Variants in CDH13 observed in about 807,000 individuals in gnomAD.
CDH13 encodes the protein cadherin-13.
A neutral mutation model predicts 63.8 loss-of-function variants in CDH13; 24 were observed. The ratio of observed to expected loss-of-function variants is 0.38; its 90% confidence interval spans 0.27 to 0.53. The LOEUF is 0.53. Among genes scored for constraint, CDH13 ranks in the 20% least tolerant of loss-of-function variants. The pLI is 0.85. For missense variants in CDH13, 1,049 were observed against 903.1 expected (o/e 1.16, Z -2.07); for synonymous variants, 503 against 355.3 (o/e 1.42, Z -4.67).
At chr16:83,119,413 C>T (rs567378781) in intron 3 of CDH13, among the ~76,000 whole-genome samples, 25 of 152,280 alleles carry the variant, frequency 1.6e-4, no homozygotes, top group African/African-American at 5.8e-4. Context: ...CAGCAGGCTC[C>T]TCAACGTCAA....
intron 3 of CDH13, among the ~76,000 whole-genome samples, chr16:83,081,062 G>A (rs764741858): frequency 2.6e-5 from 4 of 151,488 alleles, no homozygotes; most frequent in Non-Finnish European, 5.9e-5. Context: ...TTTATTTTTA[G>A]TACAGACGGG....
intron 6 of CDH13, among the ~76,000 whole-genome samples, chr16:83,347,576 C>A (rs2090866624): frequency 6.6e-6 from 1 of 152,146 alleles, no homozygotes. Context: ...ATATGTACAA[C>A]ATCATTTCAT....
chr16:83,576,581 G>T (rs1366701733), intron 7 of CDH13, among the ~76,000 whole-genome samples: 6 of 152,120 alleles, frequency 3.9e-5, no homozygotes, highest in Admixed American at 1.3e-4. Flanking sequence ...ACCATATGTG[G>T]TATTACACAT....
At chr16:82,896,125 A>G (rs1431568784) in intron 2 of CDH13, among the ~76,000 whole-genome samples, 2 of 152,010 alleles carry the variant, frequency 1.3e-5, no homozygotes, top group African/African-American at 4.8e-5. Context: ...ATTCATTCGT[A>G]TCTTACCTGT....
rs894053672 is a variant in CDH13, at chr16:82,859,799, G to A, written c.157+1326G>A. The A allele has an allele frequency of 7.3e-5, 11 of 151,516 alleles. No individual in the cohort carries two copies. The South Asian group carries it at 8.4e-4, about 12-fold the overall frequency. The allele number at this position is 151,516 out of a possible 1,614,324, so 9.4% of individuals were successfully genotyped here. ...GAGGCTGGGACACACTCTAAGAGTC[G>A]AAAGGAACACAATAATGAAGATGCA... On this transcript the variant is annotated intron_variant, in intron 2 of 13. Coordinates refer to ENST00000567109, the MANE Select transcript of CDH13 (RefSeq NM_001257.5).
At chr16:83,371,819 G>A (rs1341740324) in intron 6 of CDH13, among the ~76,000 whole-genome samples, 1 of 152,146 alleles carries the variant, frequency 6.6e-6, no homozygotes, top group Admixed American at 6.5e-5. Flanking sequence ...TTTTCTGGAT[G>A]ACCCTAAGAA....
intron 4 of CDH13, among the ~76,000 whole-genome samples, chr16:83,184,145 G>GAAA (rs2038438903): frequency 1.9e-5 from 2 of 103,712 alleles, no homozygotes; most frequent in African/African-American, 1.1e-4. Context: ...CACACAACTA[G>GAAA]TAAAAAAAAA....
chr16:83,510,257 T>G (rs1360629571), intron 7 of CDH13, among the ~76,000 whole-genome samples: 3 of 152,166 alleles, frequency 2.0e-5, no homozygotes, highest in African/African-American at 7.2e-5. Context: ...TGTGTGTAAT[T>G]TTTTTGCTCT....
chr16:82,806,617 A>T (rs1209862947), intron 1 of CDH13, among the ~76,000 whole-genome samples: 1 of 152,222 alleles, frequency 6.6e-6, no homozygotes, highest in Non-Finnish European at 1.5e-5. Context: ...AAACTTTCAG[A>T]CTGCCTGATG....
At chr16:82,709,579 G>A (rs1160940666) in intron 1 of CDH13, among the ~76,000 whole-genome samples, 1 of 152,138 alleles carries the variant, frequency 6.6e-6, no homozygotes, top group Non-Finnish European at 1.5e-5. Context: ...GGTACCTTGC[G>A]AGGCTGTGGA....
intron 7 of CDH13, among the ~76,000 whole-genome samples, chr16:83,529,941 G>A (rs956075397): frequency 2.0e-5 from 3 of 152,132 alleles, no homozygotes; most frequent in African/African-American, 7.2e-5. Context: ...TACAGTCCTA[G>A]TTAAGTAGGA....
At chr16:83,793,322 C>T (rs960078408) in intron 13 of CDH13, among the ~76,000 whole-genome samples, 1 of 152,138 alleles carries the variant, frequency 6.6e-6, no homozygotes, top group Non-Finnish European at 1.5e-5. Flanking sequence ...CATTTTGAAA[C>T]CGGATCTGAG....
chr16:83,140,718 G>C (rs946727057), intron 4 of CDH13, among the ~76,000 whole-genome samples: 1 of 152,208 alleles, frequency 6.6e-6, no homozygotes, highest in African/African-American at 2.4e-5. Flanking sequence ...GCCTCCAAAA[G>C]TGCTGGGATT....
chr16:83,556,949 G>T (rs751110484), intron 7 of CDH13, among the ~76,000 whole-genome samples: 4 of 152,140 alleles, frequency 2.6e-5, no homozygotes, highest in Non-Finnish European at 5.9e-5. Context: ...ACTCTCAACC[G>T]ATTTTCTACA....
chr16:83,711,950 T>C (rs192816278), intron 10 of CDH13, among the ~76,000 whole-genome samples: 7 of 152,346 alleles, frequency 4.6e-5, no homozygotes, highest in Non-Finnish European at 8.8e-5. Context: ...AAGTCTGAGA[T>C]CAAGGTGTTG....
intron 3 of CDH13, among the ~76,000 whole-genome samples, chr16:83,112,064 A>C (rs1051473903): frequency 1.3e-5 from 2 of 152,208 alleles, no homozygotes; most frequent in Non-Finnish European, 2.9e-5. Context: ...GCTTTGTTCC[A>C]TTTTTGGAAA....
chr16:83,252,857 G>T (rs184526140), intron 5 of CDH13, among the ~76,000 whole-genome samples: 2 of 152,042 alleles, frequency 1.3e-5, no homozygotes, highest in African/African-American at 4.8e-5. Flanking sequence ...TAAGCGTACA[G>T]AGTTAACATC....
chr16:82,785,621 T>G (rs932040811), intron 1 of CDH13, among the ~76,000 whole-genome samples: 3 of 152,206 alleles, frequency 2.0e-5, no homozygotes, highest in African/African-American at 7.2e-5. Flanking sequence ...TACAATCTTG[T>G]ATTCCATTCT....
chr16:83,326,886 G>T (rs74034149), intron 5 of CDH13, among the ~76,000 whole-genome samples: 1 of 152,176 alleles, frequency 6.6e-6, no homozygotes, highest in East Asian at 1.9e-4. Context: ...GTCTGCAGTG[G>T]GGGTATCTGG....
Sources: allele counts gnomAD v4.1 joint callset (sites outside exome capture counted in the v4.1 genomes callset), GRCh38; gene constraint gnomAD v4.1.1; transcripts MANE v1.5; gene names NCBI Gene and HGNC (gene_info 2026-07-23, HGNC 2026-07-21).